The following ITGAL variants were observed in gnomAD, a reference collection of about 807,000 sequenced individuals.
ITGAL encodes integrin subunit alpha L.
In ITGAL, 68 loss-of-function variants were observed where a neutral mutation model predicts 138.4. The ratio of observed to expected loss-of-function variants is 0.49; its 90% confidence interval spans 0.40 to 0.60. ITGAL has a LOEUF of 0.60. Ranked by LOEUF, ITGAL falls within the 20% of genes least tolerant of loss-of-function variation. The pLI, the probability that ITGAL is intolerant of heterozygous loss-of-function variation, is 0.00. For synonymous variants in ITGAL, 561 were observed against 584.3 expected, an observed-to-expected ratio of 0.96 and a Z score of 0.57; for missense variants, 1,256 against 1,478.6, an observed-to-expected ratio of 0.85 and a Z score of 2.47.
chr16:30,498,919 G>A lies in ITGAL; in HGVS notation c.1833-155G>A, dbSNP rs182220192. 9.2e-6 allele frequency: 6 copies of A among 651,348 alleles called. No individual in the cohort carries two copies. In the African/African-American group the frequency reaches 1.1e-4, roughly 12 times the overall value. 40.3% of individuals were successfully genotyped at this position (651,348 alleles called of 1,614,324 possible). A position where few individuals can be genotyped will look rare whatever the true frequency, so the allele number is the denominator to read the frequency against. ...CTCTCTCAAAATAAATAAATAAAAA[G>A]TATCATTATTATTTTCCTTAAGAGG... On this transcript the variant is annotated intron_variant, in intron 15 of 30. Transcript: ENST00000356798.
At position 30,521,519 on chromosome 16, in the gene ITGAL, G is replaced by A; in HGVS notation, c.3367G>A (p.Glu1123Lys). The A allele has an allele frequency of 6.2e-7, 1 of 1,614,178 alleles. No homozygotes were observed. The highest frequency in any genetic ancestry group is 8.5e-7 in the Non-Finnish European group (1 of 1,180,036). ...TGGTTTCTTCAAACGGAACCTGAAG[G>A]AGAAGATGGAGGCTGGCAGAGGTGT... is the stretch of plus-strand genomic sequence containing the variant. ...KVGFFKRNLKEKMEAGRGVPN... is the reference protein window; with the variant it reads ...KVGFFKRNLKKKMEAGRGVPN... The change falls in exon 31 of 31, where the codon GAG (glutamate) becomes AAG (lysine). Residue 1123 changes from glutamate to lysine, a missense_variant. By Grantham distance (56) the Glu-to-Lys change is moderately conservative. Transcript: ENST00000356798.
chr16:30,519,839 C>G lies in ITGAL; in HGVS notation c.3229-18C>G. On this transcript the variant is annotated intron_variant, in intron 29 of 30. Transcript: ENST00000356798. The stretch of plus-strand genomic sequence containing the variant: ...GTGGAAAAGGCATTTTCCGGCACTC[C>G]CCTCCCCCTGCTCCCAGGTTGTCAT... 6.4e-7 allele frequency: 1 copy of G among 1,567,346 alleles called. No individual in the cohort carries two copies. The highest frequency in any genetic ancestry group is 8.8e-7 in the Non-Finnish European group (1 of 1,137,430).
rs949271632 is a variant in ITGAL, at chr16:30,521,758, G to T, written c.*93G>T. ...CCTGCATTCTGCCGTGTGCCCTCGG[G>T]CGAGTCACTGCCTCTCCCTGGCCCT... On this transcript the variant is annotated 3_prime_UTR_variant, in exon 31 of 31. Coordinates refer to ENST00000356798, the MANE Select transcript of ITGAL (RefSeq NM_002209.3). The T allele has an allele frequency of 3.3e-6, 4 of 1,224,340 alleles. No homozygotes were observed. In the African/African-American group the frequency reaches 6.0e-5, roughly 18 times the overall value. 75.8% of individuals were successfully genotyped at this position (1,224,340 alleles called of 1,614,324 possible).
intron 9 of ITGAL, among the ~76,000 whole-genome samples, chr16:30,488,684 C>CAG (rs1338148628): frequency 8.6e-6 from 1 of 116,134 alleles, no homozygotes; most frequent in Non-Finnish European, 1.6e-5. Flanking sequence ...GCCTCGGTGA[C>CAG]AGAGAGAGAC....
At chr16:30,506,319 C>T (rs1014615246) in intron 20 of ITGAL, among the ~76,000 whole-genome samples, 3 of 146,740 alleles carry the variant, frequency 2.0e-5, no homozygotes, top group Non-Finnish European at 4.5e-5. Context: ...TTTGGGAGGC[C>T]GAGGCGGGCG....
intron 28 of ITGAL, among the ~76,000 whole-genome samples, chr16:30,518,376 G>A (rs1348724450): frequency 6.6e-6 from 1 of 151,564 alleles, no homozygotes; most frequent in Admixed American, 6.6e-5. Flanking sequence ...TTAAACCCGG[G>A]AGGCAGAGGT....
chr16:30,515,540 T>C (rs1474581900), intron 25 of ITGAL, among the ~76,000 whole-genome samples: 2 of 152,190 alleles, frequency 1.3e-5, no homozygotes, highest in Non-Finnish European at 2.9e-5. Flanking sequence ...TAGTGTGATC[T>C]TGGGCTTCCT....
intron 2 of ITGAL, 155 bp from the exon 3 acceptor site, chr16:30,475,151 C>A (rs1219268954): frequency 4.9e-6 from 3 of 615,472 alleles, no homozygotes; most frequent in African/African-American, 1.8e-5. Context: ...AAGTTACAGG[C>A]ATGAGCCACC....
intron 17 of ITGAL, among the ~76,000 whole-genome samples, chr16:30,499,732 TA>T (rs1384516463): frequency 0.012 from 1,203 of 102,808 alleles, 55 homozygotes; most frequent in African/African-American, 0.052. Context: ...TATATATATA[TA>T]TTTTTTTTTT....
chr16:30,499,560 G>A, intron 17 of ITGAL, 71 bp downstream of exon 17: 1 of 1,483,336 alleles, frequency 6.7e-7, no homozygotes, highest in Non-Finnish European at 9.3e-7. Context: ...TCACTGTCCA[G>A]TGGGTGACAC....
intron 22 of ITGAL, 64 bp downstream of exon 22, chr16:30,510,535 A>T: frequency 1.1e-6 from 1 of 947,168 alleles, no homozygotes; most frequent in African/African-American, 1.6e-5. Flanking sequence ...GAGGGCAGGG[A>T]GCTCTTGGCT....
rs992962853 is a variant in ITGAL, at chr16:30,521,736, G to A, written c.*71G>A. On this transcript the variant is annotated 3_prime_UTR_variant, in exon 31 of 31. Coordinates refer to ENST00000356798, the MANE Select transcript of ITGAL (RefSeq NM_002209.3). ...GCCCAGGGCCACTCTGCCTCTGCCT[G>A]CATTCTGCCGTGTGCCCTCGGGCGA... is the stretch of plus-strand genomic sequence containing the variant. 10 of 1,482,858 alleles carry A rather than the reference G, an allele frequency of 6.7e-6. No individual in the cohort carries two copies. The African/African-American group carries it at 1.4e-4, about 21-fold the overall frequency. The allele number at this position is 1,482,858 out of a possible 1,614,324, so 91.9% of individuals were successfully genotyped here. A position where few individuals can be genotyped will look rare whatever the true frequency, so the allele number is the denominator to read the frequency against.
intron 24 of ITGAL, among the ~76,000 whole-genome samples, chr16:30,512,413 C>A (rs1033273661): frequency 6.6e-6 from 1 of 151,878 alleles, no homozygotes; most frequent in Non-Finnish European, 1.5e-5. Context: ...ATGGTGAAAC[C>A]TTGTCTCTAC....
intron 9 of ITGAL, among the ~76,000 whole-genome samples, chr16:30,486,315 T>C (rs914083373): frequency 3.3e-5 from 5 of 150,102 alleles, no homozygotes; most frequent in African/African-American, 1.2e-4. Context: ...GAGGCTAAAG[T>C]AGGAGAATCG....
chr16:30,506,294 C>T (rs1396121434), intron 20 of ITGAL, among the ~76,000 whole-genome samples: 3 of 146,118 alleles, frequency 2.1e-5, no homozygotes, highest in African/African-American at 5.1e-5. Context: ...GGGCGGTGGC[C>T]TGTAATCCCA....
rs2051259022 is a variant in ITGAL at position 30,521,843 on chromosome 16, G to A, written c.*178G>A. 1.6e-6 allele frequency: 1 copy of A among 630,598 alleles called. No individual in the cohort carries two copies. Among genetic ancestry groups the A allele is most frequent in the Non-Finnish European group, 2.7e-6 (1 of 373,602 alleles). 39.1% of individuals were successfully genotyped at this position (630,598 alleles called of 1,614,324 possible). ...GCCTGTCTCCTTTGCAGGCTCATAG[G>A]GAAGACCTGCTGAGGGACCAGCCAA... On this transcript the variant is annotated 3_prime_UTR_variant, in exon 31 of 31. Coordinates refer to ENST00000356798, the MANE Select transcript of ITGAL (RefSeq NM_002209.3).
In ITGAL at chr16:30,494,576, C is replaced by A; in HGVS notation, c.1366-137C>A. ...TCAAAGAGCCCACCTTGTCTTAACG[C>A]ACATAGACTAGGGGTGGATCCAAGA... On this transcript the variant is annotated intron_variant, in intron 12 of 30. Transcript: ENST00000356798. This position sits in a 1 kb window ranked among gnomAD's most constrained non-coding sequence, Gnocchi z 4.2. 1 of 1,190,600 alleles carries A rather than the reference C, an allele frequency of 8.4e-7. No individual in the cohort carries two copies. The highest frequency in any genetic ancestry group is 1.2e-6 in the Non-Finnish European group (1 of 867,548). 73.8% of individuals were successfully genotyped at this position (1,190,600 alleles called of 1,614,324 possible). A position where few individuals can be genotyped will look rare whatever the true frequency, so the allele number is the denominator to read the frequency against.
intron 29 of ITGAL, among the ~76,000 whole-genome samples, chr16:30,519,240 G>A (rs2051215561): frequency 6.6e-6 from 1 of 152,038 alleles, no homozygotes; most frequent in African/African-American, 2.4e-5. Context: ...TCTGTCAGAG[G>A]CAGGCGTGGT....
chr16:30,521,702 A>G lies in ITGAL; in HGVS notation c.*37A>G, dbSNP rs762026552. ...TGAGGTGCAGAGTGCCCAGAACTGG[A>G]CTCAGGATGCCCAGGGCCACTCTGC... On this transcript the variant is annotated 3_prime_UTR_variant, in exon 31 of 31. Coordinates refer to ENST00000356798, the MANE Select transcript of ITGAL (RefSeq NM_002209.3). 1.9e-6 allele frequency: 3 copies of G among 1,594,870 alleles called. No individual in the cohort carries two copies. Among genetic ancestry groups the G allele is most frequent in the Non-Finnish European group, 2.6e-6 (3 of 1,168,374 alleles).
Sources: gnomAD v4.1 joint callset for allele counts (sites outside exome capture counted in the v4.1 genomes callset) on GRCh38, gnomAD v4.1.1 for gene constraint, Gnocchi (gnomAD v3.1) non-coding constraint, MANE v1.5 for transcripts, NCBI Gene and HGNC (gene_info 2026-07-23, HGNC 2026-07-21) for gene names.